Variants in NEURL1 observed in about 807,000 individuals in gnomAD.
NEURL1 encodes the protein neuralized E3 ubiquitin protein ligase 1.
A neutral mutation model predicts 41.2 loss-of-function variants in NEURL1; 26 were observed. That is an observed-to-expected ratio of 0.63 (90% CI 0.46 to 0.87). The LOEUF (loss-of-function observed/expected upper bound fraction) is 0.87. Ranked by LOEUF, NEURL1 falls within the 40% of genes least tolerant of loss-of-function variation. The pLI is 0.00. For missense variants in NEURL1, 761 were observed against 871.1 expected, an observed-to-expected ratio of 0.87 and a Z score of 1.59; for synonymous variants, 400 against 402.3, an observed-to-expected ratio of 0.99 and a Z score of 0.07.
chr10:103,584,248 C>T (rs1464395934), intron 3 of NEURL1, among the ~76,000 whole-genome samples: 1 of 152,202 alleles, frequency 6.6e-6, no homozygotes. Context: ...TACAAGTTTA[C>T]TGTAGAAAAT....
At chr10:103,506,621 G>A (rs1468146908) in intron 1 of NEURL1, among the ~76,000 whole-genome samples, 4 of 151,310 alleles carry the variant, frequency 2.6e-5, no homozygotes, top group African/African-American at 9.7e-5. Flanking sequence ...GTATAGTGGT[G>A]CAGTCTTGGC....
In NEURL1 at chr10:103,518,406, A is replaced by G. The variant is rs556059471; in HGVS notation, c.85+23934A>G. 7.9e-5 allele frequency among the ~76,000 whole-genome samples: 12 copies of G among 151,926 alleles called. No homozygotes were observed. The South Asian group carries it at 2.5e-3, about 32-fold the overall frequency. ...CTTTCTTTCAACCAGTATTTAGTCA[A>G]TGCCTACTGTGTGCCAGGCACTGTT... On this transcript the variant is annotated intron_variant, in intron 1 of 5. Transcript: ENST00000369780.
chr10:103,584,510 G>A, intron 3 of NEURL1, 26 bp from the exon 4 acceptor site: 1 of 1,314,628 alleles, frequency 7.6e-7, no homozygotes, highest in Middle Eastern at 2.9e-4. Flanking sequence ...AGCCCTGCGT[G>A]ACACTGCCCC....
intron 1 of NEURL1, among the ~76,000 whole-genome samples, chr10:103,552,510 C>G (rs1301442009): frequency 6.6e-6 from 1 of 152,212 alleles, no homozygotes; most frequent in Admixed American, 6.5e-5. Flanking sequence ...TCAGATCTTG[C>G]CTTCACTGTT....
chr10:103,589,612 C>T lies in NEURL1; in HGVS notation c.1438C>T (p.Pro480Ser), dbSNP rs749439690. Residue 480 changes from proline (P) to serine (S), a missense_variant, in exon 5 of 6, where the codon CCC (proline) becomes TCC (serine). Around this residue, in one of 5 missense-constraint regions of NEURL1, gnomAD observed 443 missense variants for 408.1 expected, o/e 1.09. Coordinates refer to ENST00000369780, the MANE Select transcript of NEURL1 (RefSeq NM_004210.5). ...TGCCCTGGGCAGCCGCCTGTCTGAC[C>T]CCTTGCTCAGCACGTGCAGCTCTGG... ...PSALGSRLSDPLLSTCSSGPL... is the reference protein window; with the variant it reads ...PSALGSRLSDSLLSTCSSGPL... 1.9e-5 allele frequency: 30 copies of T among 1,613,794 alleles called. 1 individual carries two copies. In the Admixed American group the frequency reaches 3.8e-4, roughly 21 times the overall value.
chr10:103,585,286 A>G (rs1276673508), intron 4 of NEURL1, 61 bp downstream of exon 4: 2 of 1,363,222 alleles, frequency 1.5e-6, no homozygotes, highest in African/African-American at 1.5e-5. Flanking sequence ...CGATCCGGGT[A>G]GGAGACAAAG....
At chr10:103,546,502 C>T (rs917299986) in intron 1 of NEURL1, among the ~76,000 whole-genome samples, 6 of 152,168 alleles carry the variant, frequency 3.9e-5, no homozygotes, top group Admixed American at 1.3e-4. Flanking sequence ...TGAGAGGCCA[C>T]GTGGCAGAGG....
rs540103930 is a variant in NEURL1, at chr10:103,532,696, CT to C, written c.86-38166del. 5.1e-4 allele frequency among the ~76,000 whole-genome samples: 76 copies of C among 148,356 alleles called. No individual in the cohort carries two copies. The East Asian group carries it at 9.0e-3, about 18-fold the overall frequency. On this transcript the variant is annotated intron_variant, in intron 1 of 5. Transcript: ENST00000369780. ...TTTCTCTTGCTGTTTTTAGAATTCT[CT>C]TTTTTTTTTCCTTTTTTTGGAGGCT...
chr10:103,585,190 G>T lies in NEURL1; in HGVS notation c.1304G>T (p.Gly435Val). 6.3e-7 allele frequency: 1 copy of T among 1,577,800 alleles called. No individual in the cohort carries two copies. Residue 435 changes from glycine (G) to valine (V), a missense_variant, in exon 4 of 6, where the codon GGC (glycine) becomes GTC (valine). Gly to Val is a moderately radical substitution (Grantham distance 109). Transcript: ENST00000369780. The part of the protein sequence containing the change: ...DASQPLWMLF[G>V]LHGTITQIRI... ...TCGCAGCCGCTTTGGATGCTCTTCG[G>T]CCTGCACGGGACCATCACGCAGATC...
intron 1 of NEURL1, among the ~76,000 whole-genome samples, chr10:103,522,218 A>C (rs1259798792): frequency 6.6e-6 from 1 of 152,140 alleles, no homozygotes; most frequent in Non-Finnish European, 1.5e-5. Flanking sequence ...GTTTACGTGC[A>C]GGTCACAGGG....
intron 3 of NEURL1, among the ~76,000 whole-genome samples, chr10:103,580,970 A>G (rs528052329): frequency 3.0e-4 from 45 of 152,316 alleles, no homozygotes; most frequent in African/African-American, 9.6e-4. Flanking sequence ...CTGGGTACCC[A>G]TCATGACTGA....
intron 1 of NEURL1, among the ~76,000 whole-genome samples, chr10:103,496,075 A>C (rs577729942): frequency 6.6e-6 from 1 of 151,288 alleles, no homozygotes; most frequent in Non-Finnish European, 1.5e-5. Context: ...GTTCCACTGC[A>C]CTCCAGCCTG....
chr10:103,511,199 C>A (rs2034061016), intron 1 of NEURL1, among the ~76,000 whole-genome samples: 1 of 152,224 alleles, frequency 6.6e-6, no homozygotes, highest in Non-Finnish European at 1.5e-5. Flanking sequence ...CCCTGAAGTG[C>A]AGGAAACTCA....
At chr10:103,572,888 A>C (rs1237395790) in intron 3 of NEURL1, among the ~76,000 whole-genome samples, 1 of 152,100 alleles carries the variant, frequency 6.6e-6, no homozygotes, top group Non-Finnish European at 1.5e-5. Context: ...TGCCCAGCAC[A>C]GTCTCGGGTA....
chr10:103,583,602 G>A (rs1054599724), intron 3 of NEURL1, among the ~76,000 whole-genome samples: 30 of 149,490 alleles, frequency 2.0e-4, no homozygotes, highest in African/African-American at 7.2e-4. Context: ...CAGCTACTTG[G>A]GAGGCTGAGG....
chr10:103,519,932 T>C (rs936140569), intron 1 of NEURL1, among the ~76,000 whole-genome samples: 2 of 151,934 alleles, frequency 1.3e-5, no homozygotes, highest in Non-Finnish European at 2.9e-5. Flanking sequence ...TACAGGCATG[T>C]ACCAGCATAC....
intron 1 of NEURL1, among the ~76,000 whole-genome samples, chr10:103,505,727 G>A (rs1247770707): frequency 2.3e-5 from 2 of 86,948 alleles, no homozygotes; most frequent in East Asian, 5.6e-4. Flanking sequence ...AGTTGAGCTG[G>A]GTATGGAGGC....
At chr10:103,548,840 T>C (rs1359769655) in intron 1 of NEURL1, among the ~76,000 whole-genome samples, 1 of 152,178 alleles carries the variant, frequency 6.6e-6, no homozygotes, top group African/African-American at 2.4e-5. Flanking sequence ...GGAGAAGAGA[T>C]GGTGGAGCCT....
At position 103,584,760 on chromosome 10, in the gene NEURL1, G is replaced by T. The variant is rs770177521; in HGVS notation, c.874G>T (p.Gly292Cys). 1.4e-6 allele frequency: 2 copies of T among 1,456,002 alleles called. No individual in the cohort carries two copies. The highest frequency in any genetic ancestry group is 1.3e-5 in the South Asian group (1 of 75,258). 90.2% of individuals were successfully genotyped at this position (1,456,002 alleles called of 1,614,324 possible). Reference sequence around the variant, plus strand: ...CCGCGCGCTGCCGGCGCAGCTCGACGGCGACCTGCGTTTCCACGCCCTGCG... The same window carrying T: ...CCGCGCGCTGCCGGCGCAGCTCGACTGCGACCTGCGTTTCCACGCCCTGCG... The part of the protein sequence containing the change: ...HSRALPAQLD[G>C]DLRFHALRAG... Residue 292 changes from glycine (G) to cysteine (C), a missense_variant, in exon 4 of 6, where the codon GGC becomes TGC. By Grantham distance (159) the Gly-to-Cys change is radical (BLOSUM62 -3). Around this residue, in one of 5 missense-constraint regions of NEURL1, gnomAD observed 443 missense variants for 408.1 expected, o/e 1.09. Coordinates refer to ENST00000369780, the MANE Select transcript of NEURL1 (RefSeq NM_004210.5).
Sources: allele counts gnomAD v4.1 joint callset (sites outside exome capture counted in the v4.1 genomes callset), GRCh38; gene constraint gnomAD v4.1.1; regional missense constraint gnomAD v4.1.1; transcripts MANE v1.5; gene names NCBI Gene and HGNC (gene_info 2026-07-23, HGNC 2026-07-21).